PDP1: variants seen among roughly 807,000 people sequenced by gnomAD.
The protein encoded by PDP1 is pyruvate dehydrogenase phosphatase catalytic subunit 1.
In PDP1, 14 loss-of-function variants were observed where a neutral mutation model predicts 37.1. The ratio of observed to expected loss-of-function variants is 0.38; its 90% CI spans 0.25 to 0.59. PDP1 has a LOEUF of 0.59. Ranked by LOEUF, PDP1 falls within the 20% of genes least tolerant of loss-of-function variation. The probability of loss-of-function intolerance (pLI) is 0.67; values close to 1 mark genes in which losing one functional copy is unlikely to be tolerated. For missense variants in PDP1, 544 were observed against 655.3 expected (o/e 0.83, Z 1.85); for synonymous variants, 251 against 243.3 (o/e 1.03, Z -0.29).
In PDP1 at chr8:93,922,836, T is replaced by A; in HGVS notation, c.777T>A (p.Phe259Leu). 1.9e-6 allele frequency: 3 copies of A among 1,614,232 alleles called. No individual in the cohort carries two copies. The highest frequency in any genetic ancestry group is 2.5e-6 in the Non-Finnish European group (3 of 1,180,052). Residue 259 changes from phenylalanine (F) to leucine (L), a missense_variant, in exon 2 of 2, where the codon TTT becomes TTA. By Grantham distance (22) the Phe-to-Leu change is conservative. Transcript: ENST00000297598. This position sits in a 1 kb window ranked among gnomAD's most constrained non-coding sequence, Gnocchi z 4.0. ...LEAQVGDPNS[F>L]LNYLVLRVAF... is the part of the protein sequence containing the mutation. ...CGCAAGTTGGTGATCCTAATTCTTT[T>A]CTCAACTACCTGGTGCTTCGAGTGG...
rs4735258 is a variant in PDP1 at position 93,923,709 on chromosome 8, T to C, written c.*36T>C. 643,096 of 1,512,348 alleles carry C rather than the reference T, an allele frequency of 0.43. 141,072 individuals carry two copies. Among genetic ancestry groups the C allele is most frequent in the East Asian group, 0.65 (28,820 of 44,356 alleles). The allele number at this position is 1,512,348 out of a possible 1,614,324, so 93.7% of individuals were successfully genotyped here. On this transcript the variant is annotated 3_prime_UTR_variant, in exon 2 of 2. Coordinates refer to ENST00000297598, the MANE Select transcript of PDP1 (RefSeq NM_018444.4). The surrounding 1 kb of genome is among the most constrained non-coding windows in gnomAD (Gnocchi z 4.3). ...TTTCACTGGCAATTCTCAAATGATA[T>C]ACATTTAAAGGGCAGATTTTTTAAA...
In PDP1 at chr8:93,922,311, A is replaced by G; in HGVS notation, c.252A>G (p.Gln84=). Residue 84 remains glutamine (Q), a synonymous_variant, in exon 2 of 2, where the codon CAA becomes CAG. Coordinates refer to ENST00000297598, the MANE Select transcript of PDP1 (RefSeq NM_018444.4). This position sits in a 1 kb window ranked among gnomAD's most constrained non-coding sequence, Gnocchi z 4.0. ...TPQKFYLTPP[Q]VNSILKANEY... ...AGAAATTTTACCTCACACCTCCACA[A>G]GTCAATAGCATCCTTAAAGCTAATG... 6.2e-7 allele frequency: 1 copy of G among 1,614,220 alleles called. No homozygotes were observed. Among genetic ancestry groups the G allele is most frequent in the Non-Finnish European group, 8.5e-7 (1 of 1,180,032 alleles).
rs192025344 is a variant in PDP1, at chr8:93,925,323, T to G, written c.*1650T>G. On this transcript the variant is annotated 3_prime_UTR_variant, in exon 2 of 2. Transcript: ENST00000297598. ...GGTGTTTTTGTTTTTATTTGTGTGT[T>G]TTTTTTTTTTTAAGTCAGCTTGGAA... The G allele has an allele frequency of 8.6e-5, 13 of 150,898 alleles. No homozygotes were observed. The highest frequency in any genetic ancestry group is 6.9e-4 in the South Asian group (3 of 4,364). 9.3% of individuals were successfully genotyped at this position (150,898 alleles called of 1,614,324 possible). A position where few individuals can be genotyped will look rare whatever the true frequency, so the allele number is the denominator to read the frequency against.
In PDP1 at chr8:93,919,168, T is replaced by G. The variant is rs1380391838; in HGVS notation, c.-45+2089T>G. On this transcript the variant is annotated intron_variant, in intron 1 of 1. Transcript: ENST00000297598. The stretch of plus-strand genomic sequence containing the variant: ...CGTAAGTATTGTTAAAAGCACCTGC[T>G]GTGTCAATCATTGCTTTTTGTCACT... 5 of 960,364 alleles carry G rather than the reference T, an allele frequency of 5.2e-6. No individual in the cohort carries two copies. The African/African-American group carries it at 8.8e-5, about 17-fold the overall frequency. 59.5% of individuals were successfully genotyped at this position (960,364 alleles called of 1,614,324 possible). A position where few individuals can be genotyped will look rare whatever the true frequency, so the allele number is the denominator to read the frequency against.
rs1563516924 is a variant in PDP1, at chr8:93,922,483, G to A, written c.424G>A (p.Val142Ile). The A allele has an allele frequency of 6.2e-7, 1 of 1,614,130 alleles. No individual in the cohort carries two copies. The part of the protein sequence containing the change: ...CLQTRGMLLG[V>I]FDGHAGCACS... Reference sequence around the variant, plus strand: ...GCAGACCAGAGGGATGCTTTTGGGGGTTTTTGATGGCCATGCAGGTTGTGC... The same window carrying A: ...GCAGACCAGAGGGATGCTTTTGGGGATTTTTGATGGCCATGCAGGTTGTGC... The change falls in exon 2 of 2, where the codon GTT becomes ATT. Residue 142 changes from valine (V) to isoleucine (I), a missense_variant. By Grantham distance (29) the Val-to-Ile change is conservative. Around this residue, in one of 5 missense-constraint regions of PDP1, gnomAD observed 342 missense variants for 414.0 expected, o/e 0.83. Coordinates refer to ENST00000297598, the MANE Select transcript of PDP1 (RefSeq NM_018444.4). The surrounding 1 kb of genome is among the most constrained non-coding windows in gnomAD (Gnocchi z 4.0).
In PDP1 at chr8:93,921,665, G is replaced by A. The variant is rs1586155002; in HGVS notation, c.-44-351G>A. 6 of 176,062 alleles carry A rather than the reference G, an allele frequency of 3.4e-5. No homozygotes were observed. In the South Asian group the frequency reaches 1.1e-3, roughly 33 times the overall value. The allele number at this position is 176,062 out of a possible 1,614,324, so 10.9% of individuals were successfully genotyped here. A position where few individuals can be genotyped will look rare whatever the true frequency, so the allele number is the denominator to read the frequency against. ...AGAAGGATGATTGGTCAGGTAGACG[G>A]CTACTGCATAATGTTATATAACCTT... is the stretch of plus-strand genomic sequence containing the variant. On this transcript the variant is annotated intron_variant, in intron 1 of 1. Transcript: ENST00000297598.
In PDP1 at chr8:93,924,572, T is replaced by C. The variant is rs1286446525; in HGVS notation, c.*899T>C. ...GTAGACTGCTGCCGGGGAATCGTAC[T>C]TCTTATTTAGTAATGATAAGACTTT... is the stretch of plus-strand genomic sequence containing the variant. On this transcript the variant is annotated 3_prime_UTR_variant, in exon 2 of 2. Coordinates refer to ENST00000297598, the MANE Select transcript of PDP1 (RefSeq NM_018444.4). The C allele has an allele frequency of 6.0e-6, 1 of 166,810 alleles. No homozygotes were observed. The allele number at this position is 166,810 out of a possible 1,614,324, so 10.3% of individuals were successfully genotyped here.
At chr8:93,917,225 G>C in intron 1 of PDP1, 146 bp downstream of exon 1, 1 of 171,002 alleles carries the variant, frequency 5.8e-6, no homozygotes, top group Non-Finnish European at 1.3e-5. Context: ...CCAGGTGCGC[G>C]CCGGGCGTCC....
In PDP1 at chr8:93,924,431, A is replaced by T. The variant is rs977173720; in HGVS notation, c.*758A>T. On this transcript the variant is annotated 3_prime_UTR_variant, in exon 2 of 2. Transcript: ENST00000297598. ...TAATGAAAAGCTTTAGTTTAAAATA[A>T]GGAGATCCAGAATAAAAAGAAGAGA... 6.0e-6 allele frequency: 1 copy of T among 167,100 alleles called. No homozygotes were observed. 10.4% of individuals were successfully genotyped at this position (167,100 alleles called of 1,614,324 possible).
intron 1 of PDP1, chr8:93,921,181 T>C: frequency 1.0e-6 from 1 of 982,694 alleles, no homozygotes; most frequent in African/African-American, 1.7e-5. Flanking sequence ...GCATGAATCC[T>C]AGAAGAGCCT....
intron 1 of PDP1, chr8:93,918,078 T>C: frequency 1.0e-6 from 1 of 977,730 alleles, no homozygotes; most frequent in Non-Finnish European, 1.5e-6. Context: ...CAAACGCGTC[T>C]TGGATTGAGA....
chr8:93,921,130 C>A (rs764438279), intron 1 of PDP1: 31 of 983,680 alleles, frequency 3.2e-5, no homozygotes, highest in Non-Finnish European at 3.7e-5. Flanking sequence ...ATAAATGAAA[C>A]CTGAATTTTA....
At chr8:93,919,899 G>A (rs1307139804) in intron 1 of PDP1, 10 of 152,100 alleles carry the variant, frequency 6.6e-5, no homozygotes, top group African/African-American at 2.4e-4. Context: ...CACATCTTCT[G>A]GCTCAGTCAT....
chr8:93,924,531 CGTAA>C lies in PDP1; in HGVS notation c.*861_*864del, dbSNP rs1293002175. ...TGTAATCCCCAAAGGCTTGGCATGC[CGTAA>C]GTGTGTGGTGGGTAGACTGCTGCCG... On this transcript the variant is annotated 3_prime_UTR_variant, in exon 2 of 2. Coordinates refer to ENST00000297598, the MANE Select transcript of PDP1 (RefSeq NM_018444.4). 14 of 167,138 alleles carry C rather than the reference CGTAA, an allele frequency of 8.4e-5. No individual in the cohort carries two copies. Among genetic ancestry groups the C allele is most frequent in the Non-Finnish European group, 1.8e-4 (12 of 68,112 alleles). 10.4% of individuals were successfully genotyped at this position (167,138 alleles called of 1,614,324 possible).
At chr8:93,919,801 A>C (rs1271768992) in intron 1 of PDP1, 5 of 152,188 alleles carry the variant, frequency 3.3e-5, no homozygotes, top group Non-Finnish European at 5.9e-5. Context: ...TCAAAGCACA[A>C]AATGAGTTGA....
intron 1 of PDP1, chr8:93,919,066 ACTCT>A: frequency 4.9e-6 from 3 of 617,464 alleles, no homozygotes; most frequent in South Asian, 7.2e-5. Flanking sequence ...AATAAAATTC[ACTCT>A]CTCATTTTTT....
At position 93,922,016 on chromosome 8, in the gene PDP1, G is replaced by A; in HGVS notation, c.-44G>A. On this transcript the variant is annotated splice_region_variant and 5_prime_UTR_variant, in exon 2 of 2. Transcript: ENST00000297598. This position sits in a 1 kb window ranked among gnomAD's most constrained non-coding sequence, Gnocchi z 4.0. ...TACATCTGTCTAATTTGCTGTCTAGGAATCCCAGTCAGAAGTTCCAGCCTG... is the reference window on the plus strand; with the variant it reads ...TACATCTGTCTAATTTGCTGTCTAGAAATCCCAGTCAGAAGTTCCAGCCTG... 2 of 1,580,812 alleles carry A rather than the reference G, an allele frequency of 1.3e-6. No individual in the cohort carries two copies. The highest frequency in any genetic ancestry group is 8.6e-7 in the Non-Finnish European group (1 of 1,159,400).
chr8:93,923,340 G>A lies in PDP1; in HGVS notation c.1281G>A (p.Gln427=), dbSNP rs141493326. 2 of 1,614,182 alleles carry A rather than the reference G, an allele frequency of 1.2e-6. No homozygotes were observed. The highest frequency in any genetic ancestry group is 4.5e-5 in the East Asian group (2 of 44,876). ...TDGLWETMHR[Q]DVVRIVGEYL... ...GGTTGTGGGAGACTATGCATAGGCA[G>A]GATGTGGTTAGGATTGTGGGTGAGT... Residue 427 remains glutamine (Q), a synonymous_variant, in exon 2 of 2, where the codon CAG becomes CAA. Coordinates refer to ENST00000297598, the MANE Select transcript of PDP1 (RefSeq NM_018444.4). This position sits in a 1 kb window ranked among gnomAD's most constrained non-coding sequence, Gnocchi z 4.3.
At chr8:93,918,127 C>T (rs1427407079) in intron 1 of PDP1, among the ~76,000 whole-genome samples, 1 of 151,992 alleles carries the variant, frequency 6.6e-6, no homozygotes, top group Non-Finnish European at 1.5e-5. Context: ...TTTCAGGTAG[C>T]GACAAAGGAA....
Sources: gnomAD v4.1 joint callset for allele counts (sites outside exome capture counted in the v4.1 genomes callset) on GRCh38, gnomAD v4.1.1 for gene constraint, gnomAD v4.1.1 regional missense constraint, Gnocchi (gnomAD v3.1) non-coding constraint, MANE v1.5 for transcripts, NCBI Gene and HGNC (gene_info 2026-07-23, HGNC 2026-07-21) for gene names.